SPNS2: variants seen among roughly 807,000 people sequenced by gnomAD.
SPNS2 encodes the protein sphingosine-1-phosphate transporter SPNS2.
SPNS2 carries 37 observed loss-of-function variants against 57.6 expected under a neutral mutation model. The ratio of observed to expected loss-of-function variants is 0.64; its 90% CI spans 0.49 to 0.85. The LOEUF (loss-of-function observed/expected upper bound fraction) is 0.85, where lower values mean the gene tolerates loss of function less well. SPNS2 is among the 40% of genes least tolerant of loss of function. The pLI is 0.00. For synonymous variants in SPNS2, 440 were observed against 346.9 expected, an observed-to-expected ratio of 1.27 and a Z score of -2.98; for missense variants, 831 against 779.1, an observed-to-expected ratio of 1.07 and a Z score of -0.79.
At chr17:4,535,425 G>A (rs1481784785) in intron 9 of SPNS2, among the ~76,000 whole-genome samples, 1 of 152,184 alleles carries the variant, frequency 6.6e-6, no homozygotes, top group East Asian at 1.9e-4. Context: ...GGGAGGTGAG[G>A]ACAAATGGCT....
intron 3 of SPNS2, among the ~76,000 whole-genome samples, chr17:4,528,942 C>CTTT (rs569324524): frequency 6.9e-6 from 1 of 144,170 alleles, no homozygotes; most frequent in Non-Finnish European, 1.5e-5. Flanking sequence ...TTTATCTTTT[C>CTTT]TTTTTTTTTT....
intron 4 of SPNS2, 91 bp from the exon 5 acceptor site, chr17:4,530,962 G>C (rs1268265764): frequency 6.6e-7 from 1 of 1,518,126 alleles, no homozygotes; most frequent in Non-Finnish European, 9.0e-7. Context: ...GCTGGGTGGG[G>C]AGGGTGGGCA....
chr17:4,525,876 T>C (rs1205193500), intron 3 of SPNS2, among the ~76,000 whole-genome samples: 2 of 152,188 alleles, frequency 1.3e-5, no homozygotes, highest in African/African-American at 2.4e-5. Context: ...CAGTCATTGT[T>C]TCTGTTCCTC....
At chr17:4,536,873 C>T (rs749169898) in intron 11 of SPNS2, 27 bp from the exon 12 acceptor site, 22 of 1,611,650 alleles carry the variant, frequency 1.4e-5, no homozygotes, top group African/African-American at 2.7e-5. Flanking sequence ...GATGCACCAC[C>T]CTGACCCCCG....
intron 3 of SPNS2, among the ~76,000 whole-genome samples, chr17:4,528,039 T>C (rs1905307387): frequency 6.6e-6 from 1 of 152,132 alleles, no homozygotes. Context: ...TCTTTTTTTT[T>C]TAGACGGAGT....
chr17:4,527,217 G>A (rs927818461), intron 3 of SPNS2, among the ~76,000 whole-genome samples: 3 of 152,222 alleles, frequency 2.0e-5, no homozygotes, highest in Non-Finnish European at 2.9e-5. Context: ...AGTTAATTTG[G>A]CAGAGAAAAT....
At chr17:4,504,927 T>C (rs1904633515) in intron 1 of SPNS2, among the ~76,000 whole-genome samples, 1 of 152,192 alleles carries the variant, frequency 6.6e-6, no homozygotes, top group Non-Finnish European at 1.5e-5. Context: ...GTGCACTTGG[T>C]CTCAGGAACT....
At chr17:4,504,134 T>C (rs1904609824) in intron 1 of SPNS2, among the ~76,000 whole-genome samples, 1 of 152,146 alleles carries the variant, frequency 6.6e-6, no homozygotes, top group Non-Finnish European at 1.5e-5. Context: ...TAGATAAGGA[T>C]GGCCACCTTA....
chr17:4,533,128 A>G lies in SPNS2; in HGVS notation c.1087A>G (p.Ser363Gly). ...CAGCCCGCCCTGTGGGGCCAAGGAC[A>G]GGTGGGGCCCCGCGGGGTGGGCCCA... The part of the protein sequence containing the change: ...CNSPPCGAKD[S>G]LIFGAITCFT... Residue 363 changes from serine to glycine, a missense_variant and splice_region_variant, in exon 7 of 13, where the codon AGC becomes GGC. Coordinates refer to ENST00000329078, the MANE Select transcript of SPNS2 (RefSeq NM_001124758.3). 6.2e-7 allele frequency: 1 copy of G among 1,607,876 alleles called. No homozygotes were observed. Among genetic ancestry groups the G allele is most frequent in the South Asian group, 1.1e-5 (1 of 90,588 alleles).
At position 4,499,480 on chromosome 17, in the gene SPNS2, A is replaced by C; in HGVS notation, c.370+63A>C. ...CCACCCCATCCCACCACCCGCCTCG[A>C]GGGAGGTACCCCAGAGAGCTTTTGG... On this transcript the variant is annotated intron_variant, in intron 1 of 12. Transcript: ENST00000329078. This position sits in a 1 kb window ranked among gnomAD's most constrained non-coding sequence, Gnocchi z 5.2. 1 of 1,108,424 alleles carries C rather than the reference A, an allele frequency of 9.0e-7. No individual in the cohort carries two copies. The highest frequency in any genetic ancestry group is 1.2e-6 in the Non-Finnish European group (1 of 848,130). 68.7% of individuals were successfully genotyped at this position (1,108,424 alleles called of 1,614,324 possible). A position where few individuals can be genotyped will look rare whatever the true frequency, so the allele number is the denominator to read the frequency against.
intron 1 of SPNS2, among the ~76,000 whole-genome samples, chr17:4,506,649 A>T (rs1904685578): frequency 6.6e-6 from 1 of 152,166 alleles, no homozygotes; most frequent in Admixed American, 6.5e-5. Context: ...TCTGAGCTCC[A>T]GGGTGGTGTC....
chr17:4,514,359 C>T (rs773943056), intron 2 of SPNS2, among the ~76,000 whole-genome samples: 1 of 152,132 alleles, frequency 6.6e-6, no homozygotes, highest in African/African-American at 2.4e-5. Context: ...CTGCCTGGGC[C>T]CTCCTGGGAG....
At chr17:4,521,965 G>A (rs758301468) in intron 2 of SPNS2, among the ~76,000 whole-genome samples, 1 of 152,226 alleles carries the variant, frequency 6.6e-6, no homozygotes, top group East Asian at 1.9e-4. Context: ...TTGGGAGGCC[G>A]AGGCAGGAGG....
rs1019261898 is a variant in SPNS2 at position 4,499,505 on chromosome 17, G to A, written c.370+88G>A. ...AGGGAGGTACCCCAGAGAGCTTTTG[G>A]TCTCAGGCCTGCTATCTCCAGGCCC... On this transcript the variant is annotated intron_variant, in intron 1 of 12. Coordinates refer to ENST00000329078, the MANE Select transcript of SPNS2 (RefSeq NM_001124758.3). This position sits in a 1 kb window ranked among gnomAD's most constrained non-coding sequence, Gnocchi z 5.2. 2 of 930,094 alleles carry A rather than the reference G, an allele frequency of 2.2e-6. No individual in the cohort carries two copies. The highest frequency in any genetic ancestry group is 1.8e-5 in the African/African-American group (1 of 57,100). The allele number at this position is 930,094 out of a possible 1,614,324, so 57.6% of individuals were successfully genotyped here. A position where few individuals can be genotyped will look rare whatever the true frequency, so the allele number is the denominator to read the frequency against.
intron 1 of SPNS2, among the ~76,000 whole-genome samples, chr17:4,504,717 C>G (rs1251708522): frequency 1.3e-5 from 2 of 152,182 alleles, no homozygotes; most frequent in African/African-American, 4.8e-5. Context: ...GGCCCGATCC[C>G]TAGGCTTCTG....
chr17:4,501,384 AGTCAGATT>A (rs1302057462), intron 1 of SPNS2, among the ~76,000 whole-genome samples: 1 of 152,102 alleles, frequency 6.6e-6, no homozygotes, highest in Non-Finnish European at 1.5e-5. Flanking sequence ...CAGGTCTCTG[AGTCAGATT>A]GTCAGCATGG....
intron 8 of SPNS2, 157 bp downstream of exon 8, chr17:4,533,589 C>T (rs1345760558): frequency 2.0e-6 from 2 of 1,018,420 alleles, no homozygotes; most frequent in African/African-American, 3.2e-5. Flanking sequence ...TGGCCACACA[C>T]AGCCTGTCCA....
At chr17:4,535,307 G>A (rs1336251511) in intron 9 of SPNS2, among the ~76,000 whole-genome samples, 1 of 152,184 alleles carries the variant, frequency 6.6e-6, no homozygotes, top group Non-Finnish European at 1.5e-5. Context: ...GCGGGTGCGA[G>A]CGGAGGCTCT....
intron 3 of SPNS2, among the ~76,000 whole-genome samples, chr17:4,528,227 T>C (rs1905317885): frequency 6.6e-6 from 1 of 152,046 alleles, no homozygotes; most frequent in Non-Finnish European, 1.5e-5. Context: ...TTCACCATGT[T>C]GACAAGGCTA....
Sources: allele counts gnomAD v4.1 joint callset (sites outside exome capture counted in the v4.1 genomes callset), GRCh38; gene constraint gnomAD v4.1.1; non-coding constraint Gnocchi (gnomAD v3.1); transcripts MANE v1.5; gene names NCBI Gene and HGNC (gene_info 2026-07-23, HGNC 2026-07-21).